FAM83G: variants seen among roughly 807,000 people sequenced by gnomAD.
FAM83G encodes the protein scaffolding CK1 anchoring protein G, also known as protein FAM83G.
A neutral mutation model predicts 61.5 loss-of-function variants in FAM83G; 38 were observed. The observed-to-expected ratio is 0.62, with a 90% confidence interval of 0.48 to 0.81. The LOEUF (loss-of-function observed/expected upper bound fraction) is 0.81. Ranked by LOEUF, FAM83G falls within the 30% of genes least tolerant of loss-of-function variation. The probability of loss-of-function intolerance (pLI) is 0.00; values close to 1 mark genes in which losing one functional copy is unlikely to be tolerated. For missense variants in FAM83G, 989 were observed against 1,133.6 expected (o/e 0.87, Z 1.83); for synonymous variants, 470 against 476.1 (o/e 0.99, Z 0.17).
rs990029106 is a variant in FAM83G at position 18,970,809 on chromosome 17, G to A, written c.*550C>T. On this transcript the variant is annotated 3_prime_UTR_variant, in exon 6 of 6. Coordinates refer to ENST00000388995, the MANE Select transcript of FAM83G (RefSeq NM_001039999.3). ...TACTTAATAGTATTATTTTAAATACGAATAAAATAGTCATTCAAATACACC... is the reference window on the plus strand; with the variant it reads ...TACTTAATAGTATTATTTTAAATACAAATAAAATAGTCATTCAAATACACC... The A allele has an allele frequency of 2.2e-5, 13 of 587,342 alleles. No homozygotes were observed. Among genetic ancestry groups the A allele is most frequent in the African/African-American group, 5.6e-5 (3 of 53,224 alleles). The allele number at this position is 587,342 out of a possible 1,614,324, so 36.4% of individuals were successfully genotyped here. A position where few individuals can be genotyped will look rare whatever the true frequency, so the allele number is the denominator to read the frequency against.
chr17:19,003,177 A>G lies in FAM83G; in HGVS notation c.522+343T>C, dbSNP rs2043775349. ...TTTACAGTGAATCAGAGCCACTCTAAGGGAGAGTGAGAGGAAGCCCTGGGG... is the reference window on the plus strand; with the variant it reads ...TTTACAGTGAATCAGAGCCACTCTAGGGGAGAGTGAGAGGAAGCCCTGGGG... On this transcript the variant is annotated intron_variant, in intron 2 of 5. Transcript: ENST00000388995. The surrounding 1 kb of genome is among the most constrained non-coding windows in gnomAD (Gnocchi z 4.5). 6.6e-6 allele frequency among the ~76,000 whole-genome samples: 1 copy of G among 150,822 alleles called. No homozygotes were observed. The highest frequency in any genetic ancestry group is 2.4e-5 in the African/African-American group (1 of 40,966).
chr17:18,979,172 G>A (rs559401411), intron 4 of FAM83G: 50 of 487,204 alleles, frequency 1.0e-4, no homozygotes, highest in Middle Eastern at 5.7e-4. Context: ...GCTGCCATGC[G>A]TCTATGCTGC....
rs546169314 is a variant in FAM83G at position 18,997,167 on chromosome 17, G to C, written c.522+6353C>G. ...AGTGGGTTGGGGTCAAGAAGCCCAG[G>C]CTAATCATGCCCAGAGCGCTCTGAC... On this transcript the variant is annotated intron_variant, in intron 2 of 5. Coordinates refer to ENST00000388995, the MANE Select transcript of FAM83G (RefSeq NM_001039999.3). 6.5e-4 allele frequency among the ~76,000 whole-genome samples: 99 copies of C among 152,374 alleles called. 4 individuals carry two copies. The highest frequency in any genetic ancestry group is 6.5e-3 in the Admixed American group (99 of 15,306).
At chr17:18,990,866 T>C (rs1447832382) in intron 2 of FAM83G, among the ~76,000 whole-genome samples, 1 of 152,180 alleles carries the variant, frequency 6.6e-6, no homozygotes, top group Non-Finnish European at 1.5e-5. Context: ...TGGGGGCCCT[T>C]GAGTCCTGTC....
At chr17:18,979,331 G>A (rs1343916807) in intron 4 of FAM83G, 7 of 617,664 alleles carry the variant, frequency 1.1e-5, no homozygotes, top group African/African-American at 3.7e-5. Context: ...CCTCCAGGCC[G>A]GTGACATCTC....
At chr17:18,988,128 TG>T (rs2043316002) in intron 3 of FAM83G, 118 bp downstream of exon 3, 2 of 1,445,474 alleles carry the variant, frequency 1.4e-6, no homozygotes, top group African/African-American at 2.8e-5. Flanking sequence ...CTAGGATTAC[TG>T]GACTCTGAGT....
Position 18,971,061 on chromosome 17 carries a change from AG to A in FAM83G, c.*297del. 6.2e-7 allele frequency: 1 copy of A among 1,614,060 alleles called. No individual in the cohort carries two copies. Among genetic ancestry groups the A allele is most frequent in the Non-Finnish European group, 8.5e-7 (1 of 1,180,024 alleles). ...GGGCAGCTGGAGGCAGCCTACGCCC[AG>A]GCCATTCCCTCCAGGACCATTGCCA... On this transcript the variant is annotated 3_prime_UTR_variant, in exon 6 of 6. Transcript: ENST00000388995. The surrounding 1 kb of genome is among the most constrained non-coding windows in gnomAD (Gnocchi z 5.5).
Position 19,003,763 on chromosome 17 carries a change from A to C in FAM83G, c.279T>G (p.Asn93Lys), listed in dbSNP as rs2043799163. 1 of 1,608,008 alleles carries C rather than the reference A, an allele frequency of 6.2e-7. No homozygotes were observed. Among genetic ancestry groups the C allele is most frequent in the Non-Finnish European group, 8.5e-7 (1 of 1,177,862 alleles). The change falls in exon 2 of 6, where the codon AAT becomes AAG. Residue 93 changes from asparagine to lysine, a missense_variant. Transcript: ENST00000388995. This position sits in a 1 kb window ranked among gnomAD's most constrained non-coding sequence, Gnocchi z 4.5. ...GTGPSQGPED[N>K]GVGDGEEASG... ...TGGCTTCCTCGCCGTCGCCGACCCC[A>C]TTGTCCTCGGGCCCCTGAGAGGGGC...
In FAM83G at chr17:18,971,972, GC is replaced by G. The variant is rs1308977813; in HGVS notation, c.2083-225del. Among the ~76,000 whole-genome samples, 2 of 152,200 alleles carry G rather than the reference GC, an allele frequency of 1.3e-5. No homozygotes were observed. The highest frequency in any genetic ancestry group is 2.4e-5 in the African/African-American group (1 of 41,452). On this transcript the variant is annotated intron_variant, in intron 5 of 5. Coordinates refer to ENST00000388995, the MANE Select transcript of FAM83G (RefSeq NM_001039999.3). This position sits in a 1 kb window ranked among gnomAD's most constrained non-coding sequence, Gnocchi z 5.5. ...TGCCCTTTGTGGGTGTAGCAAGGCAGCTTCCTCCCAGCTCACCCCCGCAGCC... is the reference window on the plus strand; with the variant it reads ...TGCCCTTTGTGGGTGTAGCAAGGCAGTTCCTCCCAGCTCACCCCCGCAGCC...
rs1219997097 is a variant in FAM83G, at chr17:19,004,012, G to C, written c.30C>G (p.Asp10Glu). ...TGGAGCGCCAGTTCACATGGTTGTC[G>C]TCCAGACACTGCACCTGAGAGAAGG... MAFSQVQCL[D>E]DNHVNWRSSE... Residue 10 changes from aspartate to glutamate, a missense_variant, in exon 2 of 6, where the codon GAC (aspartate) becomes GAG (glutamate). Physicochemically the swap from Asp to Glu is conservative, Grantham distance 45 (BLOSUM62 2). Around this residue, in one of 3 missense-constraint regions of FAM83G, gnomAD observed 371 missense variants for 404.5 expected, o/e 0.92. Coordinates refer to ENST00000388995, the MANE Select transcript of FAM83G (RefSeq NM_001039999.3). The surrounding 1 kb of genome is among the most constrained non-coding windows in gnomAD (Gnocchi z 5.4). 1.2e-6 allele frequency: 2 copies of C among 1,608,602 alleles called. No homozygotes were observed. Among genetic ancestry groups the C allele is most frequent in the African/African-American group, 2.7e-5 (2 of 74,806 alleles).
intron 5 of FAM83G, among the ~76,000 whole-genome samples, chr17:18,972,459 G>A (rs2042878618): frequency 6.6e-6 from 1 of 152,208 alleles, no homozygotes; most frequent in Non-Finnish European, 1.5e-5. Flanking sequence ...AGCTGGATCC[G>A]AACCCAGAGT....
chr17:18,979,374 C>T (rs2043071352), intron 4 of FAM83G, 175 bp downstream of exon 4: 7 of 775,114 alleles, frequency 9.0e-6, no homozygotes, highest in Non-Finnish European at 4.0e-6. Context: ...CAGACAAAGC[C>T]CTTCTCTGCC....
In FAM83G at chr17:18,970,695, C is replaced by T; in HGVS notation, c.*664G>A. 2.7e-6 allele frequency: 1 copy of T among 369,964 alleles called. No individual in the cohort carries two copies. The allele number at this position is 369,964 out of a possible 1,614,324, so 22.9% of individuals were successfully genotyped here. A position where few individuals can be genotyped will look rare whatever the true frequency, so the allele number is the denominator to read the frequency against. On this transcript the variant is annotated 3_prime_UTR_variant, in exon 6 of 6. Coordinates refer to ENST00000388995, the MANE Select transcript of FAM83G (RefSeq NM_001039999.3). The stretch of plus-strand genomic sequence containing the variant: ...CGACAATCGGAAACCTGGCTGAGAA[C>T]CACTTGCCCAAGGCCGATGAGTGTC...
At chr17:18,994,136 T>C (rs540656628) in intron 2 of FAM83G, among the ~76,000 whole-genome samples, 1 of 152,324 alleles carries the variant, frequency 6.6e-6, no homozygotes, top group Non-Finnish European at 1.5e-5. Context: ...CATCATGACC[T>C]TGGATTCAAC....
chr17:18,976,448 G>A (rs2472716), intron 5 of FAM83G: 98,472 of 164,042 alleles, frequency 0.6, 29,842 homozygotes, highest in East Asian at 0.74. Flanking sequence ...GTTGGCGCCA[G>A]TGTCTGCTCC....
intron 5 of FAM83G, among the ~76,000 whole-genome samples, chr17:18,973,247 G>A (rs2042899686): frequency 6.6e-6 from 1 of 152,256 alleles, no homozygotes; most frequent in Non-Finnish European, 1.5e-5. Context: ...TCTTCTCTGG[G>A]TGGAACATCA....
chr17:18,999,925 G>A (rs1001698990), intron 2 of FAM83G, among the ~76,000 whole-genome samples: 1 of 152,202 alleles, frequency 6.6e-6, no homozygotes, highest in African/African-American at 2.4e-5. Context: ...TCCTGCTAAG[G>A]CCCCCCTGCT....
rs372035924 is a variant in FAM83G, at chr17:18,971,428, G to A, written c.2403C>T (p.Gly801=). The A allele has an allele frequency of 5.0e-6, 8 of 1,613,654 alleles. No homozygotes were observed. Among genetic ancestry groups the A allele is most frequent in the East Asian group, 2.2e-5 (1 of 44,888 alleles). ...AATCCGATGAGGCCCACTGGCTACC[G>A]CCCGTCCTGGCCTTTAGGTGCTTCG... ...SQSKHLKART[G]GSQWASSDSK... is the part of the protein sequence containing the mutation. Residue 801 remains glycine, a synonymous_variant, in exon 6 of 6, where the codon GGC becomes GGT. Coordinates refer to ENST00000388995, the MANE Select transcript of FAM83G (RefSeq NM_001039999.3). The surrounding 1 kb of genome is among the most constrained non-coding windows in gnomAD (Gnocchi z 5.5).
chr17:18,974,642 A>G (rs2042935676), intron 5 of FAM83G, among the ~76,000 whole-genome samples: 1 of 152,196 alleles, frequency 6.6e-6, no homozygotes, highest in African/African-American at 2.4e-5. Flanking sequence ...CAATGGCCAC[A>G]CCCCAAAACT....
Sources: allele counts gnomAD v4.1 joint callset (sites outside exome capture counted in the v4.1 genomes callset), GRCh38; gene constraint gnomAD v4.1.1; regional missense constraint gnomAD v4.1.1; non-coding constraint Gnocchi (gnomAD v3.1); transcripts MANE v1.5; gene names NCBI Gene and HGNC (gene_info 2026-07-23, HGNC 2026-07-21).